The following DUXA variants were observed in gnomAD, a reference collection of about 807,000 sequenced individuals.
DUXA encodes double homeobox protein A.
DUXA carries 25 observed loss-of-function variants against 27.5 expected under a neutral mutation model. The observed-to-expected ratio is 0.91, with a 90% CI of 0.66 to 1.27. The LOEUF is 1.27. Among genes scored for constraint, DUXA ranks in the 50% most tolerant of loss-of-function variants. The pLI, the probability that DUXA is intolerant of heterozygous loss-of-function variation, is 0.00. For synonymous variants in DUXA, 90 were observed against 80.5 expected (o/e 1.12, Z -0.63); for missense variants, 247 against 242.9 (o/e 1.02, Z -0.11).
At chr19:57,157,950 C>T (rs1359756480) in intron 4 of DUXA, among the ~76,000 whole-genome samples, 1 of 151,606 alleles carries the variant, frequency 6.6e-6, no homozygotes, top group African/African-American at 2.4e-5. Flanking sequence ...GGCAAGATTT[C>T]GCCGCTGCAC....
chr19:57,160,359 G>A (rs948482083), intron 2 of DUXA, among the ~76,000 whole-genome samples: 2 of 152,198 alleles, frequency 1.3e-5, no homozygotes, highest in African/African-American at 2.4e-5. Flanking sequence ...TATTTAATTG[G>A]TAAATAGCTG....
Position 57,154,087 on chromosome 19 carries a change from T to C in DUXA, c.*325A>G. The stretch of plus-strand genomic sequence containing the variant: ...GGTCTTCTGAACTCTGGATCTAGGC[T>C]GTGTCAACAGGGTAGTGTGGTACCC... On this transcript the variant is annotated 3_prime_UTR_variant, in exon 6 of 6. Transcript: ENST00000554048. 1 of 200,074 alleles carries C rather than the reference T, an allele frequency of 5.0e-6. No homozygotes were observed. Among genetic ancestry groups the C allele is most frequent in the South Asian group, 1.2e-4 (1 of 8,508 alleles). 12.4% of individuals were successfully genotyped at this position (200,074 alleles called of 1,614,324 possible).
intron 1 of DUXA, among the ~76,000 whole-genome samples, chr19:57,162,151 G>A (rs2087027400): frequency 6.6e-6 from 1 of 152,112 alleles, no homozygotes; most frequent in African/African-American, 2.4e-5. Context: ...GCCTCCCAAA[G>A]TGCTGAGATT....
In DUXA at chr19:57,159,219, A is replaced by T; in HGVS notation, c.240T>A (p.Thr80=). The T allele has an allele frequency of 6.2e-7, 1 of 1,614,186 alleles. No individual in the cohort carries two copies. Among genetic ancestry groups the T allele is most frequent in the South Asian group, 1.1e-5 (1 of 91,078 alleles). Residue 80 remains threonine (T), a synonymous_variant, in exon 3 of 6, where the codon ACT becomes ACA. Coordinates refer to ENST00000554048, the MANE Select transcript of DUXA (RefSeq NM_001012729.2). ...HGFQKRPEAE[T]LESSQSQGQD... Reference sequence around the variant, plus strand: ...GCCCCTGGCTCTGGCTTGATTCTAAAGTCTCAGCTTCTGGTCTTTTCTGGA... The same window carrying T: ...GCCCCTGGCTCTGGCTTGATTCTAATGTCTCAGCTTCTGGTCTTTTCTGGA...
chr19:57,160,821 A>C lies in DUXA; in HGVS notation c.26-24T>G, dbSNP rs185513787. On this transcript the variant is annotated intron_variant, in intron 1 of 5. Coordinates refer to ENST00000554048, the MANE Select transcript of DUXA (RefSeq NM_001012729.2). ...CTCTGTAGGAAGATTACAAAAGAAGAAGCATGTAATAGGTTAATTTATATA... is the reference window on the plus strand; with the variant it reads ...CTCTGTAGGAAGATTACAAAAGAAGCAGCATGTAATAGGTTAATTTATATA... The C allele has an allele frequency of 5.2e-4, 842 of 1,612,336 alleles. 2 individuals are homozygous for C. The highest frequency in any genetic ancestry group is 2.7e-3 in the South Asian group (246 of 90,740).
At chr19:57,167,368 C>T (rs780036881) in intron 1 of DUXA, 51 bp downstream of exon 1, 8 of 1,610,812 alleles carry the variant, frequency 5.0e-6, no homozygotes, top group Non-Finnish European at 5.9e-6. Flanking sequence ...GTTTTTAGCC[C>T]TACTTTTTCC....
intron 4 of DUXA, among the ~76,000 whole-genome samples, chr19:57,156,372 GCA>G (rs767156952): frequency 1.3e-5 from 2 of 151,988 alleles, no homozygotes; most frequent in South Asian, 2.1e-4. Context: ...ATACTTGTAC[GCA>G]CACACTCACA....
rs572373153 is a variant in DUXA at position 57,154,718 on chromosome 19, C to T, written c.545-236G>A. 9.9e-5 allele frequency among the ~76,000 whole-genome samples: 15 copies of T among 152,208 alleles called. No individual in the cohort carries two copies. In the South Asian group the frequency reaches 2.1e-3, roughly 21 times the overall value. On this transcript the variant is annotated intron_variant, in intron 5 of 5. Transcript: ENST00000554048. ...AGCTGGGACTACAGGCGCCCGCCAC[C>T]ACGCTCGGCTAATTGTTTGTATTTT...
At chr19:57,160,957 C>T (rs931100777) in intron 1 of DUXA, among the ~76,000 whole-genome samples, 160 bp from the exon 2 acceptor site, 23 of 151,994 alleles carry the variant, frequency 1.5e-4, no homozygotes, top group Non-Finnish European at 2.8e-4. Context: ...CACACAATGG[C>T]GATTTTTCAA....
chr19:57,155,958 C>T (rs551558271), intron 4 of DUXA, among the ~76,000 whole-genome samples: 36 of 152,240 alleles, frequency 2.4e-4, no homozygotes, highest in African/African-American at 7.9e-4. Context: ...CGTGAGCCAC[C>T]GTGCCCGGCC....
chr19:57,159,150 C>T lies in DUXA; in HGVS notation c.292+17G>A. 1.2e-6 allele frequency: 2 copies of T among 1,607,226 alleles called. No homozygotes were observed. Among genetic ancestry groups the T allele is most frequent in the Non-Finnish European group, 1.7e-6 (2 of 1,176,228 alleles). On this transcript the variant is annotated intron_variant, in intron 3 of 5. Transcript: ENST00000554048. ...AGAGAAGCTCTGCTGGGGAACAGAA[C>T]TAAGAGGGTTATTTACTTTGAAACT...
chr19:57,162,274 C>T (rs1022186142), intron 1 of DUXA, among the ~76,000 whole-genome samples: 5 of 152,016 alleles, frequency 3.3e-5, no homozygotes, highest in Non-Finnish European at 4.4e-5. Flanking sequence ...TTTAAAAACA[C>T]CACAGGGAGG....
In DUXA at chr19:57,154,393, A is replaced by G. The variant is rs997128843; in HGVS notation, c.*19T>C. On this transcript the variant is annotated 3_prime_UTR_variant, in exon 6 of 6. Coordinates refer to ENST00000554048, the MANE Select transcript of DUXA (RefSeq NM_001012729.2). Reference sequence around the variant, plus strand: ...TGGGGTCCAGTTGATATTATCAAGTACACTGAATTTGACTGTGTTCACCAC... The same window carrying G: ...TGGGGTCCAGTTGATATTATCAAGTGCACTGAATTTGACTGTGTTCACCAC... 9 of 1,609,696 alleles carry G rather than the reference A, an allele frequency of 5.6e-6. No individual in the cohort carries two copies. Among genetic ancestry groups the G allele is most frequent in the Non-Finnish European group, 6.8e-6 (8 of 1,176,248 alleles).
intron 1 of DUXA, among the ~76,000 whole-genome samples, chr19:57,161,407 AG>A (rs1205340643): frequency 2.0e-5 from 3 of 148,988 alleles, no homozygotes; most frequent in African/African-American, 7.5e-5. Flanking sequence ...GCGGATCACA[AG>A]GTCAGGAGAT....
Position 57,160,736 on chromosome 19 carries a change from G to A in DUXA, c.87C>T (p.Ile29=). Residue 29 remains isoleucine, a synonymous_variant, in exon 2 of 6, where the codon ATC becomes ATT. Coordinates refer to ENST00000554048, the MANE Select transcript of DUXA (RefSeq NM_001012729.2). ...RTKFTEEQLK[I]LINTFNQKPY... is the part of the protein sequence containing the mutation. ...GCTTTTGATTGAAGGTATTGATGAG[G>A]ATTTTCAACTGTTCTTCTGTGAATT... The A allele has an allele frequency of 1.2e-6, 2 of 1,614,152 alleles. No homozygotes were observed. The highest frequency in any genetic ancestry group is 1.1e-5 in the South Asian group (1 of 91,082).
rs71186230 is a variant in DUXA, at chr19:57,161,324, C to CAAAAAAAAAAAA, written c.26-539_26-528dup. Among the ~76,000 whole-genome samples, 29 of 47,378 alleles carry CAAAAAAAAAAAA rather than the reference C, an allele frequency of 6.1e-4. 4 individuals are homozygous for CAAAAAAAAAAAA. Among genetic ancestry groups the CAAAAAAAAAAAA allele is most frequent in the African/African-American group, 3.5e-3 (25 of 7,100 alleles). The allele number at this position is 47,378 out of a possible 152,430, so 31.1% of individuals were successfully genotyped here. A position where few individuals can be genotyped will look rare whatever the true frequency, so the allele number is the denominator to read the frequency against. On this transcript the variant is annotated intron_variant, in intron 1 of 5. Coordinates refer to ENST00000554048, the MANE Select transcript of DUXA (RefSeq NM_001012729.2). ...TGGGTAACAGAGTGAGACTCTATCT[C>CAAAAAAAAAAAA]AAAAAAAAAAAAAAAAAAACTGGGC...
At chr19:57,166,924 A>G (rs2087058142) in intron 1 of DUXA, among the ~76,000 whole-genome samples, 1 of 152,224 alleles carries the variant, frequency 6.6e-6, no homozygotes, top group Non-Finnish European at 1.5e-5. Flanking sequence ...TAGGGAATTC[A>G]GTTTTTGGAA....
intron 1 of DUXA, among the ~76,000 whole-genome samples, chr19:57,163,078 C>G (rs1359220574): frequency 6.6e-6 from 1 of 152,074 alleles, no homozygotes; most frequent in Non-Finnish European, 1.5e-5. Flanking sequence ...AATGTGTACT[C>G]CTGCCATGAT....
rs777400385 is a variant in DUXA, at chr19:57,159,262, C to T, written c.197G>A (p.Arg66Gln). The T allele has an allele frequency of 1.2e-5, 19 of 1,613,640 alleles. No homozygotes were observed. Among genetic ancestry groups the T allele is most frequent in the African/African-American group, 1.3e-5 (1 of 74,868 alleles). ...TTTCTGGAATCCGTGCCTAGCTCTT[C>T]GATTCTGAAACCAAATCTAAGTGAG... is the stretch of plus-strand genomic sequence containing the variant. The part of the protein sequence containing the change: ...ESRIQIWFQN[R>Q]RARHGFQKRP... Residue 66 changes from arginine to glutamine, a missense_variant, in exon 3 of 6, where the codon CGA becomes CAA. Coordinates refer to ENST00000554048, the MANE Select transcript of DUXA (RefSeq NM_001012729.2).
Sources: gnomAD v4.1 joint callset for allele counts (sites outside exome capture counted in the v4.1 genomes callset) on GRCh38, gnomAD v4.1.1 for gene constraint, MANE v1.5 for transcripts, NCBI Gene and HGNC (gene_info 2026-07-23, HGNC 2026-07-21) for gene names.